SLC25A48: variants seen among roughly 807,000 people sequenced by gnomAD.
SLC25A48 encodes the protein solute carrier family 25 member 48.
In SLC25A48, 29 loss-of-function variants were observed where a neutral mutation model predicts 32.2. That is an observed-to-expected ratio of 0.90 (90% confidence interval 0.67 to 1.23). The LOEUF (loss-of-function observed/expected upper bound fraction) is 1.23, where lower values mean the gene tolerates loss of function less well. Ranked by LOEUF, SLC25A48 falls within the 50% of genes most tolerant of loss-of-function variation. The pLI is 0.00. For synonymous variants in SLC25A48, 164 were observed against 172.3 expected (o/e 0.95, Z 0.38); for missense variants, 399 against 422.7 (o/e 0.94, Z 0.49).
intron 2 of SLC25A48, among the ~76,000 whole-genome samples, chr5:135,847,881 T>A (rs1325863634): frequency 6.6e-6 from 1 of 152,184 alleles, no homozygotes; most frequent in Non-Finnish European, 1.5e-5. Context: ...TTTTAAGCCA[T>A]GAAGTTTGGG....
rs1755373770 is a variant in SLC25A48 at position 135,736,891 on chromosome 5, T to C, written c.-520-75632T>C. Among the ~76,000 whole-genome samples the C allele has an allele frequency of 1.3e-5, 2 of 150,232 alleles. 1 individual carries two copies. The highest frequency in any genetic ancestry group is 1.3e-4 in the Admixed American group (2 of 15,140). The stretch of plus-strand genomic sequence containing the variant: ...CACCAAGACTGAAAGGAGAAAGAGG[T>C]TGAGGGATAGTGAGAGAGGGAGGAG... On this transcript the variant is annotated intron_variant, in intron 3 of 10. Transcript: ENST00000646290.
intron 3 of SLC25A48, 89 bp from the exon 4 acceptor site, chr5:135,852,474 A>T (rs905898115): frequency 4.1e-6 from 6 of 1,459,340 alleles, no homozygotes; most frequent in Non-Finnish European, 5.6e-6. Context: ...ACATGGGCAG[A>T]TGTGTCCGGT....
intron 4 of SLC25A48, among the ~76,000 whole-genome samples, chr5:135,867,035 T>A (rs760910198): frequency 1.9e-4 from 29 of 152,228 alleles, no homozygotes; most frequent in Non-Finnish European, 3.5e-4. Context: ...TAGTATGCCC[T>A]TGATCTAGAG....
intron 3 of SLC25A48, among the ~76,000 whole-genome samples, chr5:135,706,206 G>C (rs898206076): frequency 6.6e-6 from 1 of 152,210 alleles, no homozygotes; most frequent in African/African-American, 2.4e-5. Flanking sequence ...TGGGCAGCCA[G>C]GAGGGAGATG....
intron 3 of SLC25A48, among the ~76,000 whole-genome samples, chr5:135,653,631 G>A (rs576231743): frequency 3.5e-4 from 53 of 152,300 alleles, no homozygotes; most frequent in African/African-American, 1.3e-3. Context: ...CTCTAGAGGA[G>A]GAGGAGACTG....
chr5:135,786,185 C>A (rs1264877897), intron 3 of SLC25A48, among the ~76,000 whole-genome samples: 4 of 151,716 alleles, frequency 2.6e-5, no homozygotes, highest in African/African-American at 9.7e-5. Context: ...TACTATTACT[C>A]CCCATGGGGC....
chr5:135,834,912 G>A lies in SLC25A48; in HGVS notation c.46+19G>A, dbSNP rs1758370316. The A allele has an allele frequency of 6.3e-7, 1 of 1,598,940 alleles. No homozygotes were observed. The highest frequency in any genetic ancestry group is 8.5e-7 in the Non-Finnish European group (1 of 1,173,192). ...ATCGGAGGTGAGTGTGCTTACCGGGGACCCCCGGTCAGAGAGAGCGAGCCT... is the reference window on the plus strand; with the variant it reads ...ATCGGAGGTGAGTGTGCTTACCGGGAACCCCCGGTCAGAGAGAGCGAGCCT... On this transcript the variant is annotated intron_variant, in intron 1 of 7. Coordinates refer to ENST00000681962, the MANE Select transcript of SLC25A48 (RefSeq NM_001349336.2).
In SLC25A48 at chr5:135,657,060, C is replaced by A. The variant is rs58436323; in HGVS notation, c.-521+22104C>A. Among the ~76,000 whole-genome samples, 635 of 152,290 alleles carry A rather than the reference C, an allele frequency of 4.2e-3. 4 individuals carry two copies. Among genetic ancestry groups the A allele is most frequent in the African/African-American group, 0.014 (597 of 41,558 alleles). ...CCTCTGGGAGCACCCAGCATAACCCCTCCTCAATGGGCATCTGAATGGGCA... is the reference window on the plus strand; with the variant it reads ...CCTCTGGGAGCACCCAGCATAACCCATCCTCAATGGGCATCTGAATGGGCA... On this transcript the variant is annotated intron_variant, in intron 3 of 10. Transcript: ENST00000646290.
intron 4 of SLC25A48, among the ~76,000 whole-genome samples, chr5:135,828,483 G>A (rs753031743): frequency 7.2e-5 from 11 of 152,210 alleles, no homozygotes; most frequent in Admixed American, 3.3e-4. Context: ...AGCTCCTGCT[G>A]GGGGAGGCTG....
intron 3 of SLC25A48, among the ~76,000 whole-genome samples, chr5:135,766,381 CCAT>C (rs1756229834): frequency 1.3e-5 from 2 of 151,560 alleles, no homozygotes; most frequent in Admixed American, 6.6e-5. Flanking sequence ...ATATTACTCC[CCAT>C]GTCGGTGTAT....
intron 4 of SLC25A48, among the ~76,000 whole-genome samples, chr5:135,870,994 C>G (rs1406624222): frequency 6.6e-6 from 1 of 150,888 alleles, no homozygotes; most frequent in Non-Finnish European, 1.5e-5. Flanking sequence ...GCAGCCAGGA[C>G]AGTCTGGCTC....
At chr5:135,746,592 C>A (rs1255325970) in intron 3 of SLC25A48, among the ~76,000 whole-genome samples, 2 of 152,174 alleles carry the variant, frequency 1.3e-5, no homozygotes, top group East Asian at 3.8e-4. Context: ...TTGGGCGGAG[C>A]GACTGGGACT....
At chr5:135,766,523 C>T (rs62365704) in intron 3 of SLC25A48, among the ~76,000 whole-genome samples, 35,499 of 149,678 alleles carry the variant, frequency 0.24, 4,684 homozygotes, top group East Asian at 0.44. Context: ...CTCCTCATAT[C>T]GTGGGGGGTG....
At chr5:135,764,384 G>A (rs957456443) in intron 3 of SLC25A48, among the ~76,000 whole-genome samples, 1 of 151,596 alleles carries the variant, frequency 6.6e-6, no homozygotes, top group Non-Finnish European at 1.5e-5. Flanking sequence ...TCCCCATATT[G>A]CAAAGGGTGT....
At chr5:135,744,035 C>G (rs990614633) in intron 3 of SLC25A48, among the ~76,000 whole-genome samples, 2 of 152,196 alleles carry the variant, frequency 1.3e-5, no homozygotes, top group African/African-American at 4.8e-5. Context: ...CCTGAGACAT[C>G]TAATTAATTC....
At position 135,643,151 on chromosome 5, in the gene SLC25A48, C is replaced by T. The variant is rs574688743; in HGVS notation, c.-521+8195C>T. Among the ~76,000 whole-genome samples, 11 of 152,268 alleles carry T rather than the reference C, an allele frequency of 7.2e-5. 1 individual carries two copies. The East Asian group carries it at 1.5e-3, about 21-fold the overall frequency. Reference sequence around the variant, plus strand: ...GACTGCGACACATCCTTGGTGGACACGATGTATTGTTCTGAAGCAGGTTCT... The same window carrying T: ...GACTGCGACACATCCTTGGTGGACATGATGTATTGTTCTGAAGCAGGTTCT... On this transcript the variant is annotated intron_variant, in intron 3 of 10. Coordinates refer to the SLC25A48 transcript ENST00000646290.
At chr5:135,695,366 A>G (rs71587585) in intron 3 of SLC25A48, among the ~76,000 whole-genome samples, 8,596 of 152,296 alleles carry the variant, frequency 0.056, 341 homozygotes, top group East Asian at 0.095. Flanking sequence ...ATGAGAGCAA[A>G]TCTGGTGCCT....
At chr5:135,731,839 G>A (rs1257342236) in intron 3 of SLC25A48, among the ~76,000 whole-genome samples, 1 of 152,228 alleles carries the variant, frequency 6.6e-6, no homozygotes, top group Admixed American at 6.5e-5. Flanking sequence ...TTTGGGGATA[G>A]CACCAGGAGA....
intron 6 of SLC25A48, among the ~76,000 whole-genome samples, chr5:135,879,599 A>AGG (rs1435731336): frequency 7.2e-6 from 1 of 139,092 alleles, no homozygotes. Context: ...AGAGAGAGAG[A>AGG]GAGAGAGAGA....
Sources: gnomAD v4.1 joint callset for allele counts (sites outside exome capture counted in the v4.1 genomes callset) on GRCh38, gnomAD v4.1.1 for gene constraint, MANE v1.5 for transcripts, NCBI Gene and HGNC (gene_info 2026-07-23, HGNC 2026-07-21) for gene names.